Variants in SELE observed in about 807,000 individuals in gnomAD.
SELE encodes the protein selectin E.
A neutral mutation model predicts 75.8 loss-of-function variants in SELE; 52 were observed. That is an observed-to-expected ratio of 0.69 (90% CI 0.55 to 0.86). SELE has a LOEUF of 0.86. Ranked by LOEUF, SELE falls within the 40% of genes least tolerant of loss-of-function variation. SELE has a pLI of 0.00. For missense variants in SELE, 754 were observed against 732.7 expected (o/e 1.03, Z -0.34); for synonymous variants, 285 against 258.7 (o/e 1.10, Z -0.98).
In SELE at chr1:169,727,489, A is replaced by T. The variant is rs770652195; in HGVS notation, c.1505T>A (p.Ile502Asn). 6.2e-7 allele frequency: 1 copy of T among 1,614,096 alleles called. No homozygotes were observed. Among genetic ancestry groups the T allele is most frequent in the Non-Finnish European group, 8.5e-7 (1 of 1,179,996 alleles). ...GGGCTCCCCACTGCAGCTCATGTTG[A>T]TCTTTCCCGGAACTGCCAGGCTTGA... Reference protein sequence around the residue: ...KCSSLAVPGKINMSCSGEPVF... With the variant: ...KCSSLAVPGKNNMSCSGEPVF... Residue 502 changes from isoleucine to asparagine, a missense_variant, in exon 10 of 14, where the codon ATC becomes AAC. By Grantham distance (149) the Ile-to-Asn change is moderately radical. Transcript: ENST00000333360.
Position 169,732,930 on chromosome 1 carries a change from C to A in SELE, c.106G>T (p.Ala36Ser). The A allele has an allele frequency of 6.2e-7, 1 of 1,613,796 alleles. No individual in the cohort carries two copies. The highest frequency in any genetic ancestry group is 2.2e-5 in the East Asian group (1 of 44,874). The change falls in exon 3 of 14, where the codon GCC becomes TCC. Residue 36 changes from alanine (A) to serine (S), a missense_variant. By Grantham distance (99) the Ala-to-Ser change is moderately conservative. Coordinates refer to ENST00000333360, the MANE Select transcript of SELE (RefSeq NM_000450.2). ...TSTEAMTYDE[A>S]SAYCQQRYTH... ...TACCTTTGCTGACAATAAGCACTGG[C>A]CTCATCATAAGTCATAGCTTCCGTG...
rs774210667 is a variant in SELE, at chr1:169,729,174, T to C, written c.1090+12A>G. 3.1e-6 allele frequency: 5 copies of C among 1,592,534 alleles called. No homozygotes were observed. Among genetic ancestry groups the C allele is most frequent in the Non-Finnish European group, 4.3e-6 (5 of 1,167,668 alleles). On this transcript the variant is annotated intron_variant, in intron 7 of 13. Transcript: ENST00000333360. ...CTTTAAGAAAGTATAAATCGAAGGA[T>C]CTCAAGCTTACCTTCACAAACTGGG...
chr1:169,731,876 C>A lies in SELE; in HGVS notation c.488G>T (p.Cys163Phe), dbSNP rs749804682. 49 of 1,613,818 alleles carry A rather than the reference C, an allele frequency of 3.0e-5. 1 individual carries two copies. In the South Asian group the frequency reaches 5.4e-4, roughly 18 times the overall value. Reference protein sequence around the residue: ...ECVETINNYTCKCDPGFSGLK... With the variant: ...ECVETINNYTFKCDPGFSGLK... ...TCCACTGAAGCCAGGGTCACACTTGCAAGTGTAATTATTGATGGTCTCTAC... is the reference window on the plus strand; with the variant it reads ...TCCACTGAAGCCAGGGTCACACTTGAAAGTGTAATTATTGATGGTCTCTAC... The change falls in exon 4 of 14, where the codon TGC (cysteine) becomes TTC (phenylalanine). Residue 163 changes from cysteine to phenylalanine, a missense_variant. Cys to Phe is a radical substitution (Grantham distance 205). Coordinates refer to ENST00000333360, the MANE Select transcript of SELE (RefSeq NM_000450.2).
At chr1:169,730,842 A>G (rs1288424803) in intron 4 of SELE, among the ~76,000 whole-genome samples, 1 of 152,204 alleles carries the variant, frequency 6.6e-6, no homozygotes, top group Non-Finnish European at 1.5e-5. Context: ...AACCATAAAA[A>G]AGAAATATTG....
At position 169,726,815 on chromosome 1, in the gene SELE, G is replaced by A. The variant is rs2101990488; in HGVS notation, c.1646-9C>T. On this transcript the variant is annotated splice_polypyrimidine_tract_variant and intron_variant, in intron 10 of 13. Transcript: ENST00000333360. Reference sequence around the variant, plus strand: ...GTTGGACTCAGTGGGAGCTAAGGAAGTAAGAGACGAAGAAAGGTCATGAGG... The same window carrying A: ...GTTGGACTCAGTGGGAGCTAAGGAAATAAGAGACGAAGAAAGGTCATGAGG... The A allele has an allele frequency of 6.3e-7, 1 of 1,592,770 alleles. No individual in the cohort carries two copies.
chr1:169,728,243 A>G lies in SELE; in HGVS notation c.1094T>C (p.Phe365Ser). ...GGGGTTGGACAAGGCTGTGCACTGG[A>G]AAGCTGAGACATCAAAATGATGGTC... ...WTQQIPVCEA[F>S]QCTALSNPER... The change falls in exon 8 of 14, where the codon TTC becomes TCC. Residue 365 changes from phenylalanine (F) to serine (S), a missense_variant. Physicochemically the swap from Phe to Ser is radical, Grantham distance 155 (BLOSUM62 -2). Coordinates refer to ENST00000333360, the MANE Select transcript of SELE (RefSeq NM_000450.2). The G allele has an allele frequency of 6.2e-7, 1 of 1,612,816 alleles. No homozygotes were observed. The highest frequency in any genetic ancestry group is 8.5e-7 in the Non-Finnish European group (1 of 1,179,568).
At chr1:169,731,807 T>C in intron 4 of SELE, 28 bp downstream of exon 4, 6 of 1,497,564 alleles carry the variant, frequency 4.0e-6, no homozygotes, top group Non-Finnish European at 5.6e-6. Context: ...CCATCTCAAG[T>C]GAAGAAAGAG....
intron 7 of SELE, 117 bp downstream of exon 7, chr1:169,729,069 G>T (rs936864680): frequency 1.2e-6 from 1 of 832,432 alleles, no homozygotes; most frequent in East Asian, 2.7e-5. Context: ...AGATACGAGG[G>T]TTGCTCATCA....
intron 2 of SELE, 59 bp downstream of exon 2, chr1:169,733,517 C>G: frequency 6.6e-7 from 1 of 1,526,250 alleles, no homozygotes; most frequent in Non-Finnish European, 9.1e-7. Flanking sequence ...AAGGATATTT[C>G]AGTCTGAAAT....
chr1:169,728,226 A>G lies in SELE; in HGVS notation c.1111T>C (p.Ser371Pro). 6.2e-7 allele frequency: 1 copy of G among 1,614,020 alleles called. No homozygotes were observed. The highest frequency in any genetic ancestry group is 1.3e-5 in the African/African-American group (1 of 75,038). ...TTCATGTAGCCTCGCTCGGGGTTGG[A>G]CAAGGCTGTGCACTGGAAAGCTGAG... ...VCEAFQCTALSNPERGYMNCL... is the reference protein window; with the variant it reads ...VCEAFQCTALPNPERGYMNCL... The change falls in exon 8 of 14, where the codon TCC becomes CCC. Residue 371 changes from serine (S) to proline (P), a missense_variant. Physicochemically the swap from Ser to Pro is moderately conservative, Grantham distance 74. Transcript: ENST00000333360.
chr1:169,725,953 A>G, intron 11 of SELE, 25 bp from the exon 12 acceptor site: 1 of 1,613,578 alleles, frequency 6.2e-7, no homozygotes, highest in South Asian at 1.1e-5. Flanking sequence ...ACAAACAACC[A>G]TTAATTCAGA....
chr1:169,725,634 C>A (rs1648720714), intron 13 of SELE, 95 bp downstream of exon 13: 1 of 985,400 alleles, frequency 1.0e-6, no homozygotes, highest in East Asian at 2.4e-5. Flanking sequence ...CCTGCTCCCT[C>A]CCTAAGATAT....
chr1:169,730,936 CA>C (rs3917416), intron 4 of SELE, among the ~76,000 whole-genome samples: 11,824 of 152,164 alleles, frequency 0.078, 550 homozygotes, highest in Non-Finnish European at 0.11. Flanking sequence ...TTAGGTACCA[CA>C]ACAAATTTCT....
At position 169,723,531 on chromosome 1, in the gene SELE, T is replaced by C. The variant is rs1648677701; in HGVS notation, c.*994A>G. The C allele has an allele frequency of 1.3e-5, 2 of 152,240 alleles. No homozygotes were observed. Among genetic ancestry groups the C allele is most frequent in the Admixed American group, 1.3e-4 (2 of 15,282 alleles). The allele number at this position is 152,240 out of a possible 1,614,324, so 9.4% of individuals were successfully genotyped here. A position where few individuals can be genotyped will look rare whatever the true frequency, so the allele number is the denominator to read the frequency against. ...TTGGCCTCATGGAAGTTTTTCATCG[T>C]GGAAACCACATATTTCTGAAAAAAT... On this transcript the variant is annotated 3_prime_UTR_variant, in exon 14 of 14. Coordinates refer to ENST00000333360, the MANE Select transcript of SELE (RefSeq NM_000450.2).
chr1:169,733,228 G>A (rs1341920601), intron 2 of SELE, among the ~76,000 whole-genome samples: 1 of 152,146 alleles, frequency 6.6e-6, no homozygotes, highest in Non-Finnish European at 1.5e-5. Flanking sequence ...CAACATTATA[G>A]TATACCCATT....
chr1:169,725,354 G>T (rs962276938), intron 13 of SELE, among the ~76,000 whole-genome samples: 17 of 150,930 alleles, frequency 1.1e-4, no homozygotes, highest in African/African-American at 4.2e-4. Flanking sequence ...CTGCACTCCA[G>T]TCTAGGCAAC....
chr1:169,730,342 C>G, intron 5 of SELE, 90 bp downstream of exon 5: 2 of 1,240,916 alleles, frequency 1.6e-6, no homozygotes, highest in Non-Finnish European at 2.2e-6. Context: ...AAAACTTTCC[C>G]TGAAGTTTTG....
At chr1:169,726,643 G>T in intron 11 of SELE, 56 bp downstream of exon 11, 1 of 1,195,218 alleles carries the variant, frequency 8.4e-7, no homozygotes, top group East Asian at 2.4e-5. Context: ...ACTTATCAAT[G>T]AGAAAGAAAT....
chr1:169,731,206 T>C (rs1558015222), intron 4 of SELE, among the ~76,000 whole-genome samples: 1 of 152,240 alleles, frequency 6.6e-6, no homozygotes, highest in Non-Finnish European at 1.5e-5. Flanking sequence ...TAACCACATG[T>C]GGCTCATAGG....
Sources: gnomAD v4.1 joint callset for allele counts (sites outside exome capture counted in the v4.1 genomes callset) on GRCh38, gnomAD v4.1.1 for gene constraint, MANE v1.5 for transcripts, NCBI Gene and HGNC (gene_info 2026-07-23, HGNC 2026-07-21) for gene names.